The following SBF2 variants were observed in gnomAD, a reference collection of about 807,000 sequenced individuals.
The protein encoded by SBF2 is myotubularin-related protein 13.
Under a neutral mutation model 225.2 loss-of-function variants are expected in SBF2, and 112 were observed. The ratio of observed to expected loss-of-function variants is 0.50; its 90% confidence interval spans 0.43 to 0.58. The LOEUF (loss-of-function observed/expected upper bound fraction) is 0.58. Among genes scored for constraint, SBF2 ranks in the 20% least tolerant of loss-of-function variants. SBF2 has a pLI of 0.00. For synonymous variants in SBF2, 763 were observed against 773.3 expected, an observed-to-expected ratio of 0.99 and a Z score of 0.22; for missense variants, 1,996 against 2,206.2, an observed-to-expected ratio of 0.90 and a Z score of 1.91.
At chr11:10,237,910 G>A (rs1248634539) in intron 1 of SBF2, among the ~76,000 whole-genome samples, 1 of 152,164 alleles carries the variant, frequency 6.6e-6, no homozygotes, top group African/African-American at 2.4e-5. Flanking sequence ...TGTATAAGTA[G>A]ACCTGAAGTT....
chr11:10,133,463 C>T (rs937158355), intron 2 of SBF2, among the ~76,000 whole-genome samples: 13 of 145,704 alleles, frequency 8.9e-5, no homozygotes, highest in South Asian at 8.7e-4. Flanking sequence ...GGAGGGCAGC[C>T]AAGGCCCAGC....
At chr11:10,024,430 T>A (rs1254814609) in intron 6 of SBF2, among the ~76,000 whole-genome samples, 1 of 152,196 alleles carries the variant, frequency 6.6e-6, no homozygotes, top group African/African-American at 2.4e-5. Context: ...TTTTTACCAG[T>A]ACTCAGGGAA....
chr11:9,979,200 C>A (rs1012629005), intron 13 of SBF2, among the ~76,000 whole-genome samples: 1 of 152,132 alleles, frequency 6.6e-6, no homozygotes, highest in Non-Finnish European at 1.5e-5. Flanking sequence ...GATAATGACA[C>A]CTGCCTTACA....
Position 9,795,924 on chromosome 11 carries a change from T to G in SBF2, c.4477A>C (p.Asn1493His). The G allele has an allele frequency of 6.2e-7, 1 of 1,613,624 alleles. No homozygotes were observed. Among genetic ancestry groups the G allele is most frequent in the South Asian group, 1.1e-5 (1 of 91,076 alleles). ...GCCAAGAACTTTAAGTAATAGAGAT[T>G]GAATTCAAACTCAGTTGGATACTGG... ...HNQYPTEFEFNLYYLKFLAFH... is the reference protein window; with the variant it reads ...HNQYPTEFEFHLYYLKFLAFH... Residue 1493 changes from asparagine (N) to histidine (H), a missense_variant, in exon 33 of 40, where the codon AAT becomes CAT. Coordinates refer to ENST00000256190, the MANE Select transcript of SBF2 (RefSeq NM_030962.4).
At chr11:9,876,001 G>A (rs1473067977) in intron 17 of SBF2, among the ~76,000 whole-genome samples, 3 of 151,488 alleles carry the variant, frequency 2.0e-5, no homozygotes, top group Non-Finnish European at 2.9e-5. Context: ...CAAGATAAAC[G>A]GAAGAAAAGA....
chr11:9,998,376 C>A lies in SBF2; in HGVS notation c.865G>T (p.Asp289Tyr). 6.5e-7 allele frequency: 1 copy of A among 1,534,542 alleles called. No homozygotes were observed. Among genetic ancestry groups the A allele is most frequent in the Non-Finnish European group, 9.0e-7 (1 of 1,110,194 alleles). The stretch of plus-strand genomic sequence containing the variant: ...CCATCCAAATCTGCTATGATTACAT[C>A]TAACTGAAAGAGATAAAAAAATTAA... Reference protein sequence around the residue: ...VFKTDVHELLDVIIADLDGGT... With the variant: ...VFKTDVHELLYVIIADLDGGT... Residue 289 changes from aspartate to tyrosine, a missense_variant, in exon 9 of 40, where the codon GAT (aspartate) becomes TAT (tyrosine). By Grantham distance (160) the Asp-to-Tyr change is radical. Coordinates refer to ENST00000256190, the MANE Select transcript of SBF2 (RefSeq NM_030962.4).
At chr11:10,192,868 TAC>T (rs146729580) in intron 2 of SBF2, among the ~76,000 whole-genome samples, 3 of 151,964 alleles carry the variant, frequency 2.0e-5, no homozygotes, top group South Asian at 4.1e-4. Flanking sequence ...TATAAATAAG[TAC>T]ACACACACAC....
chr11:10,112,896 A>T (rs1952943061), intron 2 of SBF2, among the ~76,000 whole-genome samples: 1 of 152,232 alleles, frequency 6.6e-6, no homozygotes, highest in Admixed American at 6.5e-5. Flanking sequence ...TGAAGAACAG[A>T]AAACAATTTT....
intron 2 of SBF2, among the ~76,000 whole-genome samples, chr11:10,067,362 T>C (rs780791983): frequency 1.3e-5 from 2 of 152,162 alleles, no homozygotes; most frequent in Non-Finnish European, 2.9e-5. Flanking sequence ...TTTTTGGTTG[T>C]GTGTTTGTTT....
intron 2 of SBF2, among the ~76,000 whole-genome samples, chr11:10,179,550 T>G (rs1406717748): frequency 1.3e-5 from 2 of 152,176 alleles, no homozygotes; most frequent in Non-Finnish European, 2.9e-5. Flanking sequence ...TGTTTTATAG[T>G]GCAGATTAAG....
At chr11:10,210,310 C>T (rs1201511082) in intron 1 of SBF2, among the ~76,000 whole-genome samples, 1 of 151,006 alleles carries the variant, frequency 6.6e-6, no homozygotes, top group Non-Finnish European at 1.5e-5. Context: ...CCCATGCTCC[C>T]TTGCACAAAG....
intron 2 of SBF2, among the ~76,000 whole-genome samples, chr11:10,157,935 T>G (rs564356434): frequency 6.6e-6 from 1 of 152,132 alleles, no homozygotes; most frequent in Non-Finnish European, 1.5e-5. Flanking sequence ...TAGATCAAGT[T>G]AGGCCACAAA....
rs1564844078 is a variant in SBF2 at position 9,779,023 on chromosome 11, T to C, written c.*1395A>G. 1 of 152,662 alleles carries C rather than the reference T, an allele frequency of 6.6e-6. No homozygotes were observed. The highest frequency in any genetic ancestry group is 2.4e-5 in the African/African-American group (1 of 41,466). 9.5% of individuals were successfully genotyped at this position (152,662 alleles called of 1,614,324 possible). A position where few individuals can be genotyped will look rare whatever the true frequency, so the allele number is the denominator to read the frequency against. On this transcript the variant is annotated 3_prime_UTR_variant, in exon 40 of 40. Coordinates refer to ENST00000256190, the MANE Select transcript of SBF2 (RefSeq NM_030962.4). Reference sequence around the variant, plus strand: ...GTGGCAATTTATAAAATGGAAATGATAGAAAAGTCCTTCATTCTTAATTAT... The same window carrying C: ...GTGGCAATTTATAAAATGGAAATGACAGAAAAGTCCTTCATTCTTAATTAT...
At chr11:10,143,101 A>G (rs186587514) in intron 2 of SBF2, among the ~76,000 whole-genome samples, 75 of 152,284 alleles carry the variant, frequency 4.9e-4, no homozygotes, top group African/African-American at 1.7e-3. Context: ...TGGTTAATCT[A>G]TAAAATATTG....
At chr11:9,805,233 G>T (rs1853737120) in intron 32 of SBF2, among the ~76,000 whole-genome samples, 1 of 143,910 alleles carries the variant, frequency 6.9e-6, no homozygotes, top group African/African-American at 2.5e-5. Context: ...GTGACAGAGT[G>T]AGACTCTGTC....
intron 16 of SBF2, among the ~76,000 whole-genome samples, chr11:9,941,041 T>C (rs2134292860): frequency 6.6e-6 from 1 of 152,220 alleles, no homozygotes. Flanking sequence ...AAAGGCTGGA[T>C]GTGGTGGCTC....
chr11:10,049,810 T>C (rs1949999155), intron 2 of SBF2, among the ~76,000 whole-genome samples: 1 of 152,150 alleles, frequency 6.6e-6, no homozygotes, highest in African/African-American at 2.4e-5. Flanking sequence ...GTATAATCCT[T>C]GGTAGAACTG....
At position 9,780,440 on chromosome 11, in the gene SBF2, T is replaced by G. The variant is rs1851931103; in HGVS notation, c.5528A>C (p.Gln1843Pro). The G allele has an allele frequency of 6.2e-7, 1 of 1,614,008 alleles. No individual in the cohort carries two copies. Among genetic ancestry groups the G allele is most frequent in the African/African-American group, 1.3e-5 (1 of 74,932 alleles). Residue 1843 changes from glutamine (Q) to proline (P), a missense_variant, in exon 40 of 40, where the codon CAG becomes CCG. Transcript: ENST00000256190. ...QSAQQWMDKI[Q>P]SCISDA ...GCATCAGGCATCAGAGATACAACTC[T>G]GGATCTTGTCCATCCATTGCTGGGC...
Position 10,109,233 on chromosome 11 carries a change from AC to A in SBF2, c.142-66253del, listed in dbSNP as rs1240133963. On this transcript the variant is annotated intron_variant, in intron 2 of 39. Coordinates refer to ENST00000256190, the MANE Select transcript of SBF2 (RefSeq NM_030962.4). ...TAGCTCTAGATTTATCTATGAATAA[AC>A]CTTATAATGTTATTATATGGAAAAT... 5.3e-5 allele frequency among the ~76,000 whole-genome samples: 8 copies of A among 152,292 alleles called. No homozygotes were observed. The South Asian group carries it at 1.7e-3, about 32-fold the overall frequency.
Sources: allele counts gnomAD v4.1 joint callset (sites outside exome capture counted in the v4.1 genomes callset), GRCh38; gene constraint gnomAD v4.1.1; transcripts MANE v1.5; gene names NCBI Gene and HGNC (gene_info 2026-07-23, HGNC 2026-07-21).